SLC1A7: variants seen among roughly 807,000 people sequenced by gnomAD.
SLC1A7 encodes excitatory amino acid transporter 5.
In SLC1A7, 40 loss-of-function variants were observed where a neutral mutation model predicts 47.7. The observed-to-expected ratio is 0.84, with a 90% CI of 0.65 to 1.09. The LOEUF is 1.09. Among genes scored for constraint, SLC1A7 ranks in the 50% least tolerant of loss-of-function variants. SLC1A7 has a pLI of 0.00. For synonymous variants in SLC1A7, 323 were observed against 325.6 expected, an observed-to-expected ratio of 0.99 and a Z score of 0.09; for missense variants, 746 against 769.5, an observed-to-expected ratio of 0.97 and a Z score of 0.36.
intron 6 of SLC1A7, 70 bp downstream of exon 6, chr1:53,093,391 G>C (rs951359599): frequency 8.2e-7 from 1 of 1,214,022 alleles, no homozygotes; most frequent in African/African-American, 1.5e-5. Flanking sequence ...GGGAGAAGAG[G>C]GTGGGGTCTT....
At chr1:53,123,393 G>A (rs1394979717) in intron 2 of SLC1A7, among the ~76,000 whole-genome samples, 1 of 152,188 alleles carries the variant, frequency 6.6e-6, no homozygotes, top group African/African-American at 2.4e-5. Context: ...AGAGAAGGGC[G>A]GCAGCACAGT....
At chr1:53,099,786 ACAC>A (rs1442659769) in intron 5 of SLC1A7, among the ~76,000 whole-genome samples, 1 of 149,416 alleles carries the variant, frequency 6.7e-6, no homozygotes, top group East Asian at 2.0e-4. Context: ...GTACACACAC[ACAC>A]CATCTCGGTA....
rs932169769 is a variant in SLC1A7 at position 53,129,838 on chromosome 1, G to A, written c.215+4512C>T. 7.8e-5 allele frequency among the ~76,000 whole-genome samples: 8 copies of A among 102,396 alleles called. 1 individual carries two copies. In the Admixed American group the frequency reaches 8.0e-4, roughly 10 times the overall value. 67.2% of individuals were successfully genotyped at this position (102,396 alleles called of 152,430 possible). A position where few individuals can be genotyped will look rare whatever the true frequency, so the allele number is the denominator to read the frequency against. ...CTGTCACGCTGAGTACCAGGCAGAG[G>A]TCAGTGTGAAAGACAAGGGGGTCAA... On this transcript the variant is annotated intron_variant, in intron 2 of 10. Coordinates refer to ENST00000371494, the MANE Select transcript of SLC1A7 (RefSeq NM_006671.6).
intron 5 of SLC1A7, among the ~76,000 whole-genome samples, 177 bp from the exon 6 acceptor site, chr1:53,093,737 G>GTCC (rs1553161641): frequency 4.0e-5 from 6 of 150,788 alleles, no homozygotes; most frequent in African/African-American, 1.5e-4. Flanking sequence ...GTGCTCTCAC[G>GTCC]TCCTCCTCTC....
At chr1:53,090,954 G>A (rs879205314) in intron 7 of SLC1A7, 148 bp from the exon 8 acceptor site, 162 of 1,520,892 alleles carry the variant, frequency 1.1e-4, no homozygotes, top group Non-Finnish European at 1.3e-4. Context: ...TAAGGACCGC[G>A]GGCACTGCAG....
At chr1:53,101,193 G>A (rs748938374) in intron 5 of SLC1A7, among the ~76,000 whole-genome samples, 2 of 128,292 alleles carry the variant, frequency 1.6e-5, no homozygotes, top group African/African-American at 3.1e-5. Context: ...CACACAAATC[G>A]TCTTGGTACT....
chr1:53,115,917 A>C (rs1288379), intron 2 of SLC1A7: 16 of 152,152 alleles, frequency 1.1e-4, no homozygotes, highest in African/African-American at 3.6e-4. Context: ...TCTTGCAGCC[A>C]TTGTGGGGGG....
Position 53,093,441 on chromosome 1 carries a change from G to A in SLC1A7, c.797+20C>T. 6.3e-7 allele frequency: 1 copy of A among 1,583,700 alleles called. No individual in the cohort carries two copies. Among genetic ancestry groups the A allele is most frequent in the South Asian group, 1.1e-5 (1 of 88,122 alleles). Reference sequence around the variant, plus strand: ...CACCCAGGGCTGGCCGGGGTGAGGTGGGTAAATGAGGAGGCTTACCACACA... The same window carrying A: ...CACCCAGGGCTGGCCGGGGTGAGGTAGGTAAATGAGGAGGCTTACCACACA... On this transcript the variant is annotated intron_variant, in intron 6 of 10. Transcript: ENST00000371494.
At chr1:53,138,806 G>A (rs999529157) in intron 1 of SLC1A7, among the ~76,000 whole-genome samples, 2 of 151,980 alleles carry the variant, frequency 1.3e-5, no homozygotes, top group Non-Finnish European at 2.9e-5. Flanking sequence ...CTATGTGTTG[G>A]GCAGCTACTC....
chr1:53,090,627 T>C lies in SLC1A7; in HGVS notation c.1211A>G (p.Gln404Arg), dbSNP rs1644409706. Residue 404 changes from glutamine to arginine, a missense_variant, in exon 8 of 11, where the codon CAG becomes CGG. Physicochemically the swap from Gln to Arg is conservative, Grantham distance 43. Coordinates refer to ENST00000371494, the MANE Select transcript of SLC1A7 (RefSeq NM_006671.6). ...QVNNYELDFG[Q>R]IITISITATA... ...CAGGGTGCACCTGATGGTGATGATC[T>C]GGCCAAAGTCCAGCTCGTAGTTGTT... 3 of 1,594,040 alleles carry C rather than the reference T, an allele frequency of 1.9e-6. No homozygotes were observed. The highest frequency in any genetic ancestry group is 2.6e-6 in the Non-Finnish European group (3 of 1,166,744).
intron 5 of SLC1A7, among the ~76,000 whole-genome samples, chr1:53,100,135 A>G (rs1001482287): frequency 1.2e-4 from 16 of 135,368 alleles, no homozygotes; most frequent in Non-Finnish European, 2.6e-4. Flanking sequence ...CCCGCCTCAG[A>G]ACACTCACAC....
Position 53,092,554 on chromosome 1 carries a change from C to G in SLC1A7, c.1031G>C (p.Ser344Thr), listed in dbSNP as rs1465761540. The change falls in exon 7 of 11, where the codon AGC becomes ACC. Residue 344 changes from serine (S) to threonine (T), a missense_variant and splice_region_variant. Physicochemically the swap from Ser to Thr is moderately conservative, Grantham distance 58. Transcript: ENST00000371494. ...CCGTCCTGCCCGTCCCCGGGGCTAC[C>G]TGGAGGAGGTGGCCAGCGCGATGAG... ...ALLIALATSSSSATLPITFKC... is the reference protein window; with the variant it reads ...ALLIALATSSTSATLPITFKC... The G allele has an allele frequency of 6.2e-7, 1 of 1,611,310 alleles. No homozygotes were observed. The highest frequency in any genetic ancestry group is 1.3e-5 in the African/African-American group (1 of 75,026).
At chr1:53,091,046 T>C in intron 7 of SLC1A7, 4 of 1,236,908 alleles carry the variant, frequency 3.2e-6, no homozygotes, top group Non-Finnish European at 2.2e-6. Flanking sequence ...AGGGCGGGGC[T>C]GACCCATGTC....
chr1:53,126,735 AT>A (rs1385429179), intron 2 of SLC1A7, among the ~76,000 whole-genome samples: 2 of 152,186 alleles, frequency 1.3e-5, no homozygotes, highest in Non-Finnish European at 2.9e-5. Context: ...CTCACCTCAC[AT>A]CTGGTGAATT....
At position 53,103,401 on chromosome 1, in the gene SLC1A7, C is replaced by T. The variant is rs147171722; in HGVS notation, c.642G>A (p.Pro214=). The stretch of plus-strand genomic sequence containing the variant: ...GCACATTCATGCCATCGCTGGTGCC[C>T]GGCTCTGACTTGTAAACGACCTCGG... ...PPPEVVYKSE[P]GTSDGMNVLG... Residue 214 remains proline (P), a synonymous_variant, in exon 5 of 11, where the codon CCG becomes CCA. Coordinates refer to ENST00000371494, the MANE Select transcript of SLC1A7 (RefSeq NM_006671.6). The T allele has an allele frequency of 2.4e-4, 386 of 1,610,932 alleles. 1 individual carries two copies. In the African/African-American group the frequency reaches 3.1e-3, roughly 13 times the overall value.
chr1:53,114,990 G>T lies in SLC1A7; in HGVS notation c.216-17C>A, dbSNP rs1303139422. On this transcript the variant is annotated splice_polypyrimidine_tract_variant and intron_variant, in intron 2 of 10. Coordinates refer to ENST00000371494, the MANE Select transcript of SLC1A7 (RefSeq NM_006671.6). Reference sequence around the variant, plus strand: ...GACATCAAGCTGGGAGGGCGAGGGGGTCAGGGGCTGTGGTGGGGAGGCCAG... The same window carrying T: ...GACATCAAGCTGGGAGGGCGAGGGGTTCAGGGGCTGTGGTGGGGAGGCCAG... The T allele has an allele frequency of 1.2e-6, 2 of 1,603,724 alleles. No individual in the cohort carries two copies. Among genetic ancestry groups the T allele is most frequent in the Admixed American group, 3.4e-5 (2 of 59,690 alleles).
intron 1 of SLC1A7, among the ~76,000 whole-genome samples, chr1:53,136,213 A>G (rs912983793): frequency 6.8e-6 from 1 of 147,992 alleles, no homozygotes. Context: ...TTTTTTAGAC[A>G]GAGTCTTGCT....
chr1:53,114,614 G>A (rs939995835), intron 3 of SLC1A7, 144 bp downstream of exon 3: 20 of 675,604 alleles, frequency 3.0e-5, no homozygotes, highest in African/African-American at 1.1e-4. Flanking sequence ...TGAGCCCAGC[G>A]GGCAGCCCAG....
At chr1:53,125,280 TCCCC>T (rs1169861738) in intron 2 of SLC1A7, among the ~76,000 whole-genome samples, 1 of 152,090 alleles carries the variant, frequency 6.6e-6, no homozygotes, top group African/African-American at 2.4e-5. Flanking sequence ...CAGAGCAAGT[TCCCC>T]TGCAGGCAAT....
Sources: allele counts gnomAD v4.1 joint callset (sites outside exome capture counted in the v4.1 genomes callset), GRCh38; gene constraint gnomAD v4.1.1; transcripts MANE v1.5; gene names NCBI Gene and HGNC (gene_info 2026-07-23, HGNC 2026-07-21).